Variants in GREB1L observed in about 807,000 individuals in gnomAD.
GREB1L encodes the protein GREB1 like retinoic acid receptor coactivator.
GREB1L carries 17 observed loss-of-function variants against 200.8 expected under a neutral mutation model. The ratio of observed to expected loss-of-function variants is 0.08; its 90% CI spans 0.06 to 0.13. The LOEUF (loss-of-function observed/expected upper bound fraction) is 0.13. Among genes scored for constraint, GREB1L ranks in the 10% least tolerant of loss-of-function variants. The pLI is 1.00. For synonymous variants in GREB1L, 789 were observed against 893.0 expected (o/e 0.88, Z 2.08); for missense variants, 1,657 against 2,367.7 (o/e 0.70, Z 6.23).
At chr18:21,384,916 T>G (rs897971372) in intron 4 of GREB1L, among the ~76,000 whole-genome samples, 1 of 152,068 alleles carries the variant, frequency 6.6e-6, no homozygotes, top group Non-Finnish European at 1.5e-5. Flanking sequence ...TGTAAAAATT[T>G]ATAGAGGATT....
rs2037667167 is a variant in GREB1L, at chr18:21,525,348, G to A, written c.*2527G>A. The A allele has an allele frequency of 6.6e-6, 1 of 152,216 alleles. No individual in the cohort carries two copies. The highest frequency in any genetic ancestry group is 6.5e-5 in the Admixed American group (1 of 15,282). 9.4% of individuals were successfully genotyped at this position (152,216 alleles called of 1,614,324 possible). On this transcript the variant is annotated 3_prime_UTR_variant, in exon 33 of 33. Coordinates refer to ENST00000424526, the MANE Select transcript of GREB1L (RefSeq NM_001142966.3). ...TTTGTTAATGATTCAAAATTGTCTT[G>A]TGTCTACTGTTATATTTTTGTCCTT...
chr18:21,461,808 C>T (rs2145569268), intron 15 of GREB1L, among the ~76,000 whole-genome samples: 1 of 152,250 alleles, frequency 6.6e-6, no homozygotes, highest in Middle Eastern at 3.4e-3. Context: ...AAATATTCAA[C>T]ATTTTGTTGA....
intron 2 of GREB1L, among the ~76,000 whole-genome samples, chr18:21,379,805 A>G (rs1213783177): frequency 6.6e-6 from 1 of 152,166 alleles, no homozygotes; most frequent in African/African-American, 2.4e-5. Flanking sequence ...GGTGCTGCTG[A>G]AAAGTAAATT....
At chr18:21,276,809 G>C (rs772088676) in intron 1 of GREB1L, among the ~76,000 whole-genome samples, 8 of 152,020 alleles carry the variant, frequency 5.3e-5, no homozygotes, top group Non-Finnish European at 8.8e-5. Flanking sequence ...AGATGAGGTG[G>C]GGAGAAAGAA....
At chr18:21,474,766 G>A (rs2035618950) in intron 16 of GREB1L, among the ~76,000 whole-genome samples, 1 of 152,126 alleles carries the variant, frequency 6.6e-6, no homozygotes, top group Admixed American at 6.5e-5. Flanking sequence ...GGATGGGAGG[G>A]GCTGCCATGA....
In GREB1L at chr18:21,285,476, G is replaced by A. The variant is rs367568551; in HGVS notation, c.-120+43083G>A. Among the ~76,000 whole-genome samples, 25 of 152,236 alleles carry A rather than the reference G, an allele frequency of 1.6e-4. No individual in the cohort carries two copies. The Middle Eastern group carries it at 0.024, about 145-fold the overall frequency. The stretch of plus-strand genomic sequence containing the variant: ...AATTTTTGAGAATACAATAAATGCA[G>A]GTTTTCTTGGAGGCCAGGTCATATC... On this transcript the variant is annotated intron_variant, in intron 1 of 32. Transcript: ENST00000424526.
chr18:21,398,759 A>G (rs973002217), intron 5 of GREB1L, among the ~76,000 whole-genome samples: 4 of 152,206 alleles, frequency 2.6e-5, no homozygotes, highest in African/African-American at 9.6e-5. Context: ...TCCAAAGACC[A>G]TGGGGGAATT....
At chr18:21,433,962 G>A (rs191543664) in intron 7 of GREB1L, among the ~76,000 whole-genome samples, 65 of 152,152 alleles carry the variant, frequency 4.3e-4, no homozygotes, top group African/African-American at 1.5e-3. Flanking sequence ...GAAATAGAAT[G>A]TGGTTTTCTG....
chr18:21,514,464 G>C (rs950271308), intron 28 of GREB1L, among the ~76,000 whole-genome samples: 1 of 152,190 alleles, frequency 6.6e-6, no homozygotes, highest in Non-Finnish European at 1.5e-5. Context: ...GCAGTGAGCT[G>C]AGATTGTGCC....
chr18:21,467,881 T>C (rs1464948588), intron 15 of GREB1L, among the ~76,000 whole-genome samples: 2 of 151,916 alleles, frequency 1.3e-5, no homozygotes, highest in East Asian at 1.9e-4. Flanking sequence ...AAAAATTAGC[T>C]GGGCGTGGTG....
At chr18:21,308,087 CT>C (rs746401330) in intron 1 of GREB1L, among the ~76,000 whole-genome samples, 2 of 152,190 alleles carry the variant, frequency 1.3e-5, no homozygotes, top group African/African-American at 2.4e-5. Flanking sequence ...ATACAAATGA[CT>C]TACTGTTTCT....
rs1466497266 is a variant in GREB1L, at chr18:21,406,252, CT to C, written c.832+2261del. Among the ~76,000 whole-genome samples the C allele has an allele frequency of 5.3e-5, 8 of 152,068 alleles. 1 individual carries two copies. Among genetic ancestry groups the C allele is most frequent in the Non-Finnish European group, 8.8e-5 (6 of 68,012 alleles). ...TTGAAAGAGGAAATCAAGATTCAGGCTTTAGCAAAGGCTTCCCCAGTTGCCA... is the reference window on the plus strand; with the variant it reads ...TTGAAAGAGGAAATCAAGATTCAGGCTTAGCAAAGGCTTCCCCAGTTGCCA... On this transcript the variant is annotated intron_variant, in intron 7 of 32. Transcript: ENST00000424526.
intron 5 of GREB1L, among the ~76,000 whole-genome samples, chr18:21,395,846 C>T (rs1346367255): frequency 6.6e-6 from 1 of 151,292 alleles, no homozygotes; most frequent in Non-Finnish European, 1.5e-5. Flanking sequence ...TCTCCTGCCT[C>T]AGCCTCCCGA....
At chr18:21,422,554 G>T (rs915668881) in intron 7 of GREB1L, among the ~76,000 whole-genome samples, 2 of 152,128 alleles carry the variant, frequency 1.3e-5, no homozygotes, top group African/African-American at 4.8e-5. Context: ...GCAAAATTTT[G>T]TATGCAGGAT....
intron 1 of GREB1L, among the ~76,000 whole-genome samples, chr18:21,326,197 G>C (rs778223734): frequency 6.6e-6 from 1 of 152,050 alleles, no homozygotes; most frequent in Admixed American, 6.6e-5. Flanking sequence ...AAAAAGAACA[G>C]TGTGTATAAT....
intron 1 of GREB1L, among the ~76,000 whole-genome samples, chr18:21,362,912 T>C (rs1278567784): frequency 5.9e-5 from 9 of 152,202 alleles, no homozygotes; most frequent in Admixed American, 5.9e-4. Flanking sequence ...GATGTTAATA[T>C]GACCTTTCCT....
Position 21,499,974 on chromosome 18 carries a change from T to G in GREB1L, c.3637T>G (p.Trp1213Gly). 1 of 1,551,402 alleles carries G rather than the reference T, an allele frequency of 6.4e-7. No homozygotes were observed. The highest frequency in any genetic ancestry group is 8.7e-7 in the Non-Finnish European group (1 of 1,146,932). The change falls in exon 22 of 33, where the codon TGG (tryptophan) becomes GGG (glycine). Residue 1213 changes from tryptophan (W) to glycine (G), a missense_variant. Physicochemically the swap from Trp to Gly is radical, Grantham distance 184. This residue lies in a region of GREB1L where 512 missense variants were observed against 668.3 expected (regional missense o/e 0.77). Transcript: ENST00000424526. ...ATCCTCAGGACCCAGGACCCTCCCA[T>G]GGCCGGGACAGCCCATCAGAGGCTG... ...SSSSGPRTLP[W>G]PGQPIRGCRG...
intron 1 of GREB1L, among the ~76,000 whole-genome samples, chr18:21,273,454 TTAA>T (rs1325704372): frequency 1.3e-5 from 2 of 152,184 alleles, no homozygotes; most frequent in Non-Finnish European, 2.9e-5. Context: ...TTTTATTTTA[TTAA>T]TAATATTTGT....
chr18:21,379,090 C>T (rs1346614381), intron 2 of GREB1L, among the ~76,000 whole-genome samples: 2 of 151,996 alleles, frequency 1.3e-5, no homozygotes, highest in African/African-American at 2.4e-5. Context: ...TATGTTCTGT[C>T]GTATTACTCC....
Sources: allele counts gnomAD v4.1 joint callset (sites outside exome capture counted in the v4.1 genomes callset), GRCh38; gene constraint gnomAD v4.1.1; regional missense constraint gnomAD v4.1.1; transcripts MANE v1.5; gene names NCBI Gene and HGNC (gene_info 2026-07-23, HGNC 2026-07-21).